The following TRIM44 variants were observed in gnomAD, a reference collection of about 807,000 sequenced individuals.
The protein encoded by TRIM44 is tripartite motif containing 44.
TRIM44 carries 13 observed loss-of-function variants against 37.4 expected under a neutral mutation model. The observed-to-expected ratio is 0.35, with a 90% CI of 0.23 to 0.55. TRIM44 has a LOEUF of 0.55. TRIM44 is among the 20% of genes least tolerant of loss of function. The pLI, the probability that TRIM44 is intolerant of heterozygous loss-of-function variation, is 0.89. For synonymous variants in TRIM44, 175 were observed against 157.2 expected (o/e 1.11, Z -0.85); for missense variants, 426 against 437.2 (o/e 0.97, Z 0.23).
At chr11:35,694,351 A>G (rs1289415440) in intron 2 of TRIM44, among the ~76,000 whole-genome samples, 2 of 152,110 alleles carry the variant, frequency 1.3e-5, no homozygotes, top group Admixed American at 6.6e-5. Flanking sequence ...TTAATTCATG[A>G]TGTGAATTAA....
At chr11:35,703,899 A>G (rs1488846684) in intron 2 of TRIM44, among the ~76,000 whole-genome samples, 1 of 152,256 alleles carries the variant, frequency 6.6e-6, no homozygotes, top group East Asian at 1.9e-4. Context: ...AACGGAACAA[A>G]GCTGGATGGA....
intron 4 of TRIM44, among the ~76,000 whole-genome samples, chr11:35,736,603 T>C (rs1852328707): frequency 6.6e-6 from 1 of 152,196 alleles, no homozygotes; most frequent in South Asian, 2.1e-4. Flanking sequence ...CCAAATGTTG[T>C]CCCACATCTG....
chr11:35,695,358 G>A (rs1851684191), intron 2 of TRIM44, among the ~76,000 whole-genome samples: 1 of 152,100 alleles, frequency 6.6e-6, no homozygotes, highest in Non-Finnish European at 1.5e-5. Context: ...ATTTGACTTA[G>A]ACCTTAGAGT....
At chr11:35,742,096 C>T (rs935801422) in intron 4 of TRIM44, among the ~76,000 whole-genome samples, 1 of 151,938 alleles carries the variant, frequency 6.6e-6, no homozygotes, top group African/African-American at 2.4e-5. Flanking sequence ...GTTCATGCCA[C>T]CATGCCTGGC....
chr11:35,747,711 C>T (rs1048268366), intron 4 of TRIM44, among the ~76,000 whole-genome samples: 2 of 152,110 alleles, frequency 1.3e-5, no homozygotes, highest in African/African-American at 2.4e-5. Flanking sequence ...CTTCTCTCCC[C>T]AGACAGGTAA....
chr11:35,709,485 T>G (rs919387030), intron 2 of TRIM44, among the ~76,000 whole-genome samples: 1 of 152,164 alleles, frequency 6.6e-6, no homozygotes, highest in Non-Finnish European at 1.5e-5. Flanking sequence ...AATATTACCA[T>G]TTGCTGTCAG....
At chr11:35,704,518 C>T (rs1223037156) in intron 2 of TRIM44, among the ~76,000 whole-genome samples, 26 of 152,268 alleles carry the variant, frequency 1.7e-4, no homozygotes, top group African/African-American at 5.5e-4. Context: ...AGAGAAAGGT[C>T]GGGTTACCCA....
In TRIM44 at chr11:35,786,647, G is replaced by A. The variant is rs187726905; in HGVS notation, c.1008-19711G>A. Among the ~76,000 whole-genome samples, 9 of 152,264 alleles carry A rather than the reference G, an allele frequency of 5.9e-5. No homozygotes were observed. In the East Asian group the frequency reaches 1.7e-3, roughly 29 times the overall value. On this transcript the variant is annotated intron_variant, in intron 4 of 4. Coordinates refer to ENST00000299413, the MANE Select transcript of TRIM44 (RefSeq NM_017583.6). ...CCTCTGAACCTCATTTTCCACATCT[G>A]TAAAACAGAGAATCATAATGCCTTC...
intron 1 of TRIM44, among the ~76,000 whole-genome samples, chr11:35,670,084 A>G (rs191634929): frequency 1.5e-3 from 231 of 152,230 alleles, no homozygotes; most frequent in African/African-American, 5.3e-3. Flanking sequence ...TGGCTTCCCA[A>G]AGTGCTGGGA....
chr11:35,748,092 G>C (rs944698649), intron 4 of TRIM44, among the ~76,000 whole-genome samples: 1 of 152,090 alleles, frequency 6.6e-6, no homozygotes, highest in African/African-American at 2.4e-5. Context: ...TTAAGGAATC[G>C]CCTGAGGAAA....
chr11:35,683,951 T>C (rs1851547098), intron 1 of TRIM44, among the ~76,000 whole-genome samples: 3 of 152,174 alleles, frequency 2.0e-5, no homozygotes, highest in Non-Finnish European at 4.4e-5. Flanking sequence ...TTATTTACCA[T>C]GTGCCAGGCT....
chr11:35,682,853 G>T (rs1851535506), intron 1 of TRIM44, among the ~76,000 whole-genome samples: 1 of 152,132 alleles, frequency 6.6e-6, no homozygotes, highest in African/African-American at 2.4e-5. Context: ...GGATTCCTTC[G>T]TTGTCGTTTT....
intron 3 of TRIM44, among the ~76,000 whole-genome samples, chr11:35,726,467 A>G (rs144875743): frequency 2.0e-5 from 3 of 152,186 alleles, no homozygotes; most frequent in African/African-American, 4.8e-5. Context: ...ACAGACCCCA[A>G]GTTGTGAAAT....
At chr11:35,726,777 G>A (rs1427683426) in intron 3 of TRIM44, among the ~76,000 whole-genome samples, 1 of 151,774 alleles carries the variant, frequency 6.6e-6, no homozygotes, top group East Asian at 1.9e-4. Context: ...TTTTTAACGG[G>A]AATAAAAGGG....
chr11:35,747,591 T>C (rs896787973), intron 4 of TRIM44, among the ~76,000 whole-genome samples: 3 of 152,174 alleles, frequency 2.0e-5, no homozygotes, highest in African/African-American at 4.8e-5. Flanking sequence ...TTGGTACTTT[T>C]ATGAGAAAAT....
intron 2 of TRIM44, among the ~76,000 whole-genome samples, chr11:35,723,495 T>TG (rs1276337602): frequency 6.6e-6 from 1 of 152,180 alleles, no homozygotes; most frequent in East Asian, 1.9e-4. Context: ...AGAATGAGAG[T>TG]GGGAAAAAGG....
rs1445137208 is a variant in TRIM44 at position 35,809,926 on chromosome 11, C to T, written c.*3541C>T. 1 of 152,162 alleles carries T rather than the reference C, an allele frequency of 6.6e-6. No homozygotes were observed. Among genetic ancestry groups the T allele is most frequent in the Non-Finnish European group, 1.5e-5 (1 of 68,048 alleles). 9.4% of individuals were successfully genotyped at this position (152,162 alleles called of 1,614,324 possible). On this transcript the variant is annotated 3_prime_UTR_variant, in exon 5 of 5. Transcript: ENST00000299413. ...TTTGAGAGCTAAGGAAAACTCAAAG[C>T]AGCCCCTTCATTATCTTGCGTACTA... is the stretch of plus-strand genomic sequence containing the variant.
intron 4 of TRIM44, among the ~76,000 whole-genome samples, chr11:35,796,525 T>A (rs913222446): frequency 2.6e-5 from 4 of 152,166 alleles, no homozygotes; most frequent in Non-Finnish European, 5.9e-5. Context: ...ATGAGGAAAC[T>A]GGGTCAGGTG....
At chr11:35,725,830 G>T in intron 2 of TRIM44, 94 bp from the exon 3 acceptor site, 2 of 1,346,012 alleles carry the variant, frequency 1.5e-6, no homozygotes. Flanking sequence ...AGGATCCATG[G>T]TGTGTATTTT....
Sources: gnomAD v4.1 joint callset for allele counts (sites outside exome capture counted in the v4.1 genomes callset) on GRCh38, gnomAD v4.1.1 for gene constraint, MANE v1.5 for transcripts, NCBI Gene and HGNC (gene_info 2026-07-23, HGNC 2026-07-21) for gene names.